ATMIN: variants seen among roughly 807,000 people sequenced by gnomAD.
ATMIN encodes the protein ATM interactor, also known as ATM INteracting protein.
Under a neutral mutation model 49.2 loss-of-function variants are expected in ATMIN, and 24 were observed. The observed-to-expected ratio is 0.49, with a 90% CI of 0.35 to 0.69. ATMIN has a LOEUF of 0.69. ATMIN is among the 30% of genes least tolerant of loss of function. The pLI, the probability that ATMIN is intolerant of heterozygous loss-of-function variation, is 0.00. For missense variants in ATMIN, 1,037 were observed against 1,005.5 expected (o/e 1.03, Z -0.42); for synonymous variants, 450 against 392.5 (o/e 1.15, Z -1.73).
chr16:81,040,802 A>C (rs988943126), intron 1 of ATMIN: 7 of 155,418 alleles, frequency 4.5e-5, no homozygotes, highest in African/African-American at 1.4e-4. Context: ...TGAATCTGAT[A>C]AAGTATGAGT....
At chr16:81,037,526 C>A (rs147927795) in intron 1 of ATMIN, 1 of 982,054 alleles carries the variant, frequency 1.0e-6, no homozygotes, top group Non-Finnish European at 1.2e-6. Flanking sequence ...GACTGAAAAG[C>A]TCTGGGTTTC....
At chr16:81,040,812 T>A (rs1182594605) in intron 1 of ATMIN, 1 of 155,292 alleles carries the variant, frequency 6.4e-6, no homozygotes. Context: ...AAAGTATGAG[T>A]GAAAAAGAGA....
At chr16:81,041,242 C>T in intron 1 of ATMIN, 114 bp from the exon 2 acceptor site, 1 of 1,187,212 alleles carries the variant, frequency 8.4e-7, no homozygotes, top group Non-Finnish European at 1.2e-6. Flanking sequence ...GATGGAAAAA[C>T]TCTTAATTAA....
rs141724880 is a variant in ATMIN, at chr16:81,043,462, G to A, written c.964G>A (p.Asp322Asn). ...SVMPVFVPTADSSAQPVVLGV... is the reference protein window; with the variant it reads ...SVMPVFVPTANSSAQPVVLGV... The stretch of plus-strand genomic sequence containing the variant: ...CATGCCTGTCTTTGTGCCTACAGCC[G>A]ACTCCTCAGCCCAGCCTGTGGTGTT... Residue 322 changes from aspartate (D) to asparagine (N), a missense_variant, in exon 4 of 4, where the codon GAC becomes AAC. Physicochemically the swap from Asp to Asn is conservative, Grantham distance 23 (BLOSUM62 1). Coordinates refer to ENST00000299575, the MANE Select transcript of ATMIN (RefSeq NM_015251.3). 5.1e-4 allele frequency: 829 copies of A among 1,614,062 alleles called. No individual in the cohort carries two copies. The highest frequency in any genetic ancestry group is 1.5e-3 in the African/African-American group (112 of 75,010).
At position 81,043,354 on chromosome 16, in the gene ATMIN, A is replaced by T; in HGVS notation, c.856A>T (p.Thr286Ser). ...GSNTDKQTLTTPPRYPQKLLL... is the reference protein window; with the variant it reads ...GSNTDKQTLTSPPRYPQKLLL... The stretch of plus-strand genomic sequence containing the variant: ...TAACACTGACAAGCAGACTCTTACA[A>T]CACCACCGAGATATCCTCAGAAGTT... The change falls in exon 4 of 4, where the codon ACA becomes TCA. Residue 286 changes from threonine to serine, a missense_variant. Thr to Ser is a moderately conservative substitution (Grantham distance 58). Transcript: ENST00000299575. 6.3e-7 allele frequency: 1 copy of T among 1,596,970 alleles called. No individual in the cohort carries two copies. Among genetic ancestry groups the T allele is most frequent in the Non-Finnish European group, 8.5e-7 (1 of 1,172,610 alleles).
At chr16:81,043,098 G>C in intron 3 of ATMIN, 63 bp from the exon 4 acceptor site, 1 of 1,524,356 alleles carries the variant, frequency 6.6e-7, no homozygotes, top group Non-Finnish European at 8.8e-7. Flanking sequence ...AGTGAGGATA[G>C]AGTGTCATGG....
intron 2 of ATMIN, among the ~76,000 whole-genome samples, chr16:81,042,065 TCTC>T (rs1259096740): frequency 1.3e-5 from 2 of 152,168 alleles, no homozygotes; most frequent in South Asian, 2.1e-4. Context: ...TCCAAAACAA[TCTC>T]CTCACTTTTC....
rs538234239 is a variant in ATMIN at position 81,037,576 on chromosome 16, C to T, written c.336+1370C>T. ...TGTAACTCTGGGAATGGCTTTCAAC[C>T]TGTTGTTTTGTTTTCATACTAAATT... On this transcript the variant is annotated intron_variant, in intron 1 of 3. Coordinates refer to ENST00000299575, the MANE Select transcript of ATMIN (RefSeq NM_015251.3). 8 of 821,036 alleles carry T rather than the reference C, an allele frequency of 9.7e-6. No individual in the cohort carries two copies. The South Asian group carries it at 4.5e-4, about 46-fold the overall frequency. The allele number at this position is 821,036 out of a possible 1,614,324, so 50.9% of individuals were successfully genotyped here.
chr16:81,037,431 G>A (rs566324805), intron 1 of ATMIN: 495 of 985,292 alleles, frequency 5.0e-4, no homozygotes, highest in Non-Finnish European at 5.8e-4. Context: ...ATGCAACAAC[G>A]TTCTCAATTG....
intron 2 of ATMIN, 85 bp downstream of exon 2, chr16:81,041,566 A>C: frequency 6.7e-7 from 1 of 1,500,656 alleles, no homozygotes; most frequent in Non-Finnish European, 8.9e-7. Flanking sequence ...TACAGAATTG[A>C]GTAGACAGCT....
intron 1 of ATMIN, 114 bp downstream of exon 1, chr16:81,036,320 C>T (rs1334142473): frequency 8.1e-6 from 8 of 990,374 alleles, no homozygotes; most frequent in Non-Finnish European, 9.8e-6. Context: ...GCTGCCGCTG[C>T]CGCTGCCCCA....
intron 1 of ATMIN, among the ~76,000 whole-genome samples, chr16:81,037,973 G>T (rs1970973489): frequency 6.6e-6 from 1 of 152,004 alleles, no homozygotes; most frequent in African/African-American, 2.4e-5. Context: ...TTAGGTGGAT[G>T]AACTATTTCT....
rs1324729231 is a variant in ATMIN at position 81,041,484 on chromosome 16, A to G, written c.462+3A>G. 2.5e-6 allele frequency: 4 copies of G among 1,597,538 alleles called. No individual in the cohort carries two copies. The highest frequency in any genetic ancestry group is 1.4e-5 in the African/African-American group (1 of 73,548). On this transcript the variant is annotated splice_donor_region_variant and intron_variant, in intron 2 of 3. Coordinates refer to ENST00000299575, the MANE Select transcript of ATMIN (RefSeq NM_015251.3). Reference sequence around the variant, plus strand: ...CTCAGTTTTCTCTCGTAAAACAGGTACTCTCTACTCTGAGGATGAGATACA... The same window carrying G: ...CTCAGTTTTCTCTCGTAAAACAGGTGCTCTCTACTCTGAGGATGAGATACA...
rs764609276 is a variant in ATMIN at position 81,044,678 on chromosome 16, C to A, written c.2180C>A (p.Ser727Tyr). Reference protein sequence around the residue: ...HLPLGSILKHSSFSVSTDSSD... With the variant: ...HLPLGSILKHYSFSVSTDSSD... ...CCTCTGGGAAGTATTCTGAAACACT[C>A]CAGCTTTTCCGTGAGTACTGATTCA... The change falls in exon 4 of 4, where the codon TCC becomes TAC. Residue 727 changes from serine to tyrosine, a missense_variant. Physicochemically the swap from Ser to Tyr is moderately radical, Grantham distance 144. Transcript: ENST00000299575. 6.2e-7 allele frequency: 1 copy of A among 1,614,060 alleles called. No individual in the cohort carries two copies. Among genetic ancestry groups the A allele is most frequent in the African/African-American group, 1.3e-5 (1 of 74,904 alleles).
rs1017177709 is a variant in ATMIN at position 81,035,876 on chromosome 16, G to C, written c.6G>C (p.Ala2=). The part of the protein sequence containing the change: M[A]ASEAAAAAGS... ...CGGGCGGCCGTGCGGGAGCCATGGC[G>C]GCCTCGGAGGCGGCGGCGGCGGCGG... The change falls in exon 1 of 4, where the codon GCG becomes GCC. Residue 2 remains alanine (A), a synonymous_variant. Coordinates refer to ENST00000299575, the MANE Select transcript of ATMIN (RefSeq NM_015251.3). 2 of 932,346 alleles carry C rather than the reference G, an allele frequency of 2.1e-6. No homozygotes were observed. The highest frequency in any genetic ancestry group is 2.6e-6 in the Non-Finnish European group (2 of 783,680). 57.8% of individuals were successfully genotyped at this position (932,346 alleles called of 1,614,324 possible). A position where few individuals can be genotyped will look rare whatever the true frequency, so the allele number is the denominator to read the frequency against.
At chr16:81,038,369 G>C (rs1373655308) in intron 1 of ATMIN, among the ~76,000 whole-genome samples, 2 of 152,076 alleles carry the variant, frequency 1.3e-5, no homozygotes, top group African/African-American at 4.8e-5. Flanking sequence ...GACCTCAAGT[G>C]ATCCACCCGC....
chr16:81,039,971 G>C (rs953746273), intron 1 of ATMIN, among the ~76,000 whole-genome samples: 1 of 152,168 alleles, frequency 6.6e-6, no homozygotes, highest in African/African-American at 2.4e-5. Context: ...GGTGGTGCTA[G>C]AGTAGCTAGA....
intron 1 of ATMIN, chr16:81,037,431 G>T: frequency 3.0e-6 from 3 of 985,410 alleles, no homozygotes; most frequent in Non-Finnish European, 3.6e-6. Flanking sequence ...ATGCAACAAC[G>T]TTCTCAATTG....
rs776210544 is a variant in ATMIN at position 81,043,516 on chromosome 16, G to A, written c.1018G>A (p.Ala340Thr). The stretch of plus-strand genomic sequence containing the variant: ...TGTTGATCAGGGCTCTGCCACAGGG[G>A]CTGTGCACTTAATGCCCTTGTCAGT... The part of the protein sequence containing the change: ...LGVDQGSATG[A>T]VHLMPLSVGT... Residue 340 changes from alanine (A) to threonine (T), a missense_variant, in exon 4 of 4, where the codon GCT (alanine) becomes ACT (threonine). Transcript: ENST00000299575. The A allele has an allele frequency of 2.5e-6, 4 of 1,614,100 alleles. No homozygotes were observed. Among genetic ancestry groups the A allele is most frequent in the East Asian group, 2.2e-5 (1 of 44,882 alleles).
Sources: allele counts gnomAD v4.1 joint callset (sites outside exome capture counted in the v4.1 genomes callset), GRCh38; gene constraint gnomAD v4.1.1; transcripts MANE v1.5; gene names NCBI Gene and HGNC (gene_info 2026-07-23, HGNC 2026-07-21).